The following AGBL1 variants were observed in gnomAD, a reference collection of about 807,000 sequenced individuals.
The protein encoded by AGBL1 is AGBL carboxypeptidase 1.
A neutral mutation model predicts 118.9 loss-of-function variants in AGBL1; 130 were observed. The ratio of observed to expected loss-of-function variants is 1.09; its 90% CI spans 0.95 to 1.26. The LOEUF is 1.26. AGBL1 is among the 50% of genes most tolerant of loss of function. AGBL1 has a pLI of 0.00. For synonymous variants in AGBL1, 555 were observed against 478.9 expected (o/e 1.16, Z -2.08); for missense variants, 1,584 against 1,298.1 (o/e 1.22, Z -3.38).
At chr15:86,277,461 T>C (rs1206461702) in intron 15 of AGBL1, among the ~76,000 whole-genome samples, 1 of 152,178 alleles carries the variant, frequency 6.6e-6, no homozygotes, top group Non-Finnish European at 1.5e-5. Context: ...ATTTTATTTC[T>C]CTTTCCATTT....
chr15:86,796,942 A>G (rs1012220888), intron 22 of AGBL1, among the ~76,000 whole-genome samples: 3 of 152,224 alleles, frequency 2.0e-5, no homozygotes, highest in Admixed American at 6.5e-5. Context: ...GGGCTGAGGT[A>G]GCTGTGCTGA....
chr15:86,259,566 G>A (rs2142020639), intron 9 of AGBL1, among the ~76,000 whole-genome samples: 1 of 152,270 alleles, frequency 6.6e-6, no homozygotes, highest in Admixed American at 6.5e-5. Flanking sequence ...GCTGATGGTA[G>A]TAGCAGACAT....
chr15:86,227,547 A>T (rs2078386562), intron 6 of AGBL1, among the ~76,000 whole-genome samples: 1 of 152,268 alleles, frequency 6.6e-6, no homozygotes, highest in African/African-American at 2.4e-5. Flanking sequence ...TAACCAAAAA[A>T]TTATCTTCAG....
At chr15:86,637,511 C>G (rs529324758) in intron 21 of AGBL1, among the ~76,000 whole-genome samples, 1 of 152,176 alleles carries the variant, frequency 6.6e-6, no homozygotes, top group Non-Finnish European at 1.5e-5. Flanking sequence ...GCTAAAGTGT[C>G]AAGGAACTTA....
chr15:86,955,433 T>C (rs747622358), intron 23 of AGBL1, among the ~76,000 whole-genome samples: 3 of 151,606 alleles, frequency 2.0e-5, no homozygotes, highest in Non-Finnish European at 2.9e-5. Context: ...GAGCCAAGAA[T>C]TCAACTCAAG....
intron 17 of AGBL1, among the ~76,000 whole-genome samples, chr15:86,392,605 G>A (rs1376990560): frequency 1.3e-5 from 2 of 152,138 alleles, no homozygotes; most frequent in African/African-American, 4.8e-5. Context: ...TGTTTATATA[G>A]TTGGGTACAC....
At chr15:86,197,293 A>G (rs1329418154) in intron 5 of AGBL1, among the ~76,000 whole-genome samples, 1 of 152,236 alleles carries the variant, frequency 6.6e-6, no homozygotes, top group African/African-American at 2.4e-5. Context: ...GAAAAAGGAA[A>G]GAGGAGAGAC....
chr15:86,817,784 G>GGT (rs2078886706), intron 22 of AGBL1, among the ~76,000 whole-genome samples: 1 of 151,982 alleles, frequency 6.6e-6, no homozygotes, highest in Non-Finnish European at 1.5e-5. Flanking sequence ...TTGCAAACAG[G>GGT]GTCTTTGCAG....
At position 86,295,259 on chromosome 15, in the gene AGBL1, A is replaced by G. The variant is rs1433486311; in HGVS notation, c.2225A>G (p.His742Arg). 1 of 1,613,588 alleles carries G rather than the reference A, an allele frequency of 6.2e-7. No individual in the cohort carries two copies. The highest frequency in any genetic ancestry group is 1.7e-5 in the Admixed American group (1 of 59,984). Reference protein sequence around the residue: ...YPYTYTALMTHLDILEKSVNL... With the variant: ...YPYTYTALMTRLDILEKSVNL... ...CCTGCTTTATTTCTGCTCCAGACTCATCTTGACATCCTGGAAAAGAGTGTC... is the reference window on the plus strand; with the variant it reads ...CCTGCTTTATTTCTGCTCCAGACTCGTCTTGACATCCTGGAAAAGAGTGTC... The change falls in exon 17 of 23, where the codon CAT becomes CGT. Residue 742 changes from histidine to arginine, a missense_variant. By Grantham distance (29) the His-to-Arg change is conservative. Coordinates refer to ENST00000614907, the MANE Select transcript of AGBL1 (RefSeq NM_001386094.1).
chr15:86,723,619 A>C (rs1171451857), intron 22 of AGBL1, among the ~76,000 whole-genome samples: 1 of 152,206 alleles, frequency 6.6e-6, no homozygotes, highest in African/African-American at 2.4e-5. Context: ...ACTAACCTGC[A>C]CGTTGTGCAC....
chr15:86,782,316 T>C (rs1274311299), intron 22 of AGBL1, among the ~76,000 whole-genome samples: 1 of 152,160 alleles, frequency 6.6e-6, no homozygotes, highest in African/African-American at 2.4e-5. Flanking sequence ...TGAGTCATTA[T>C]TTGACTCTAT....
chr15:86,542,418 G>A (rs1239915488), intron 19 of AGBL1, among the ~76,000 whole-genome samples: 7 of 147,144 alleles, frequency 4.8e-5, no homozygotes, highest in African/African-American at 1.8e-4. Context: ...CCAGGCTGGA[G>A]TGCAATGGCA....
intron 16 of AGBL1, among the ~76,000 whole-genome samples, chr15:86,285,430 G>A (rs372361802): frequency 1.1e-4 from 16 of 152,114 alleles, no homozygotes; most frequent in African/African-American, 3.9e-4. Flanking sequence ...GAGTCACGGG[G>A]GCAGGTCTTT....
chr15:86,709,594 C>A (rs999919919), intron 22 of AGBL1, among the ~76,000 whole-genome samples: 1 of 152,082 alleles, frequency 6.6e-6, no homozygotes, highest in Non-Finnish European at 1.5e-5. Context: ...ATAATGATAT[C>A]GCTGCTATGT....
At chr15:86,500,605 A>T (rs897060713) in intron 18 of AGBL1, among the ~76,000 whole-genome samples, 11 of 92 alleles carry the variant, frequency 0.12, no homozygotes, top group Admixed American at 0.42. Context: ...AGCTCATTCC[A>T]GTACAATTTT....
intron 22 of AGBL1, among the ~76,000 whole-genome samples, chr15:86,759,514 G>A (rs896442223): frequency 1.3e-5 from 2 of 152,056 alleles, no homozygotes; most frequent in African/African-American, 4.8e-5. Flanking sequence ...ATATAATTAA[G>A]AGATTAATAC....
chr15:86,303,505 G>T (rs1229211148), intron 17 of AGBL1, among the ~76,000 whole-genome samples: 1 of 152,132 alleles, frequency 6.6e-6, no homozygotes, highest in African/African-American at 2.4e-5. Flanking sequence ...ATGTGAAAAA[G>T]AGTAAGACTG....
intron 22 of AGBL1, among the ~76,000 whole-genome samples, chr15:86,881,218 C>T (rs928652883): frequency 3.9e-5 from 6 of 152,152 alleles, no homozygotes; most frequent in Admixed American, 2.0e-4. Flanking sequence ...TTAGCATGGA[C>T]CCAATTCTGG....
chr15:86,865,976 C>G (rs2079622480), intron 22 of AGBL1, among the ~76,000 whole-genome samples: 1 of 152,166 alleles, frequency 6.6e-6, no homozygotes, highest in African/African-American at 2.4e-5. Flanking sequence ...TAGCTGTTAT[C>G]ATTATCATTT....
Sources: gnomAD v4.1 joint callset for allele counts (sites outside exome capture counted in the v4.1 genomes callset) on GRCh38, gnomAD v4.1.1 for gene constraint, MANE v1.5 for transcripts, NCBI Gene and HGNC (gene_info 2026-07-23, HGNC 2026-07-21) for gene names.